The following KIF6 variants were observed in gnomAD, a reference collection of about 807,000 sequenced individuals.
KIF6 encodes the protein kinesin family member 6.
A neutral mutation model predicts 112.7 loss-of-function variants in KIF6; 106 were observed. The ratio of observed to expected loss-of-function variants is 0.94; its 90% CI spans 0.80 to 1.11. The LOEUF (loss-of-function observed/expected upper bound fraction) is 1.11. Ranked by LOEUF, KIF6 falls within the 50% of genes least tolerant of loss-of-function variation. The pLI, the probability that KIF6 is intolerant of heterozygous loss-of-function variation, is 0.00. For missense variants in KIF6, 929 were observed against 964.0 expected (o/e 0.96, Z 0.48); for synonymous variants, 339 against 339.9 (o/e 1.00, Z 0.03).
intron 14 of KIF6, among the ~76,000 whole-genome samples, chr6:39,423,508 C>T (rs190220698): frequency 4.6e-5 from 7 of 152,176 alleles, no homozygotes; most frequent in Admixed American, 2.0e-4. Context: ...ATGCCAGCAT[C>T]TCCTTGGCTA....
intron 16 of KIF6, among the ~76,000 whole-genome samples, chr6:39,365,355 GGCTCAGA>G (rs1163258365): frequency 6.6e-6 from 1 of 152,188 alleles, no homozygotes; most frequent in Non-Finnish European, 1.5e-5. Flanking sequence ...GCAATTTATT[GGCTCAGA>G]TGAGGCAGCC....
Position 39,336,551 on chromosome 6 carries a change from G to A in KIF6, c.2429-3C>T. On this transcript the variant is annotated splice_polypyrimidine_tract_variant and splice_region_variant and intron_variant, in intron 22 of 22. Coordinates refer to ENST00000287152, the MANE Select transcript of KIF6 (RefSeq NM_145027.6). Reference sequence around the variant, plus strand: ...GGAAATTCAATTGCTTCCCAAACCTGAAAGGGAGACAGGATGCTTTTGGTT... The same window carrying A: ...GGAAATTCAATTGCTTCCCAAACCTAAAAGGGAGACAGGATGCTTTTGGTT... 6.2e-7 allele frequency: 1 copy of A among 1,613,854 alleles called. No homozygotes were observed. The highest frequency in any genetic ancestry group is 8.5e-7 in the Non-Finnish European group (1 of 1,179,822).
chr6:39,388,013 T>C (rs931701977), intron 15 of KIF6, among the ~76,000 whole-genome samples: 4 of 152,170 alleles, frequency 2.6e-5, no homozygotes, highest in African/African-American at 9.6e-5. Context: ...CTCATATGAC[T>C]GGGTACTGCC....
intron 9 of KIF6, chr6:39,583,347 T>C (rs1477723078): frequency 6.4e-6 from 3 of 468,400 alleles, no homozygotes; most frequent in African/African-American, 6.0e-5. Context: ...ATCTTGACTT[T>C]GCATGCTGTC....
At chr6:39,362,658 A>G in intron 16 of KIF6, 140 bp from the exon 17 acceptor site, 1 of 685,492 alleles carries the variant, frequency 1.5e-6, no homozygotes. Context: ...TCTTGGTGGC[A>G]ACCTCTGCTC....
intron 5 of KIF6, among the ~76,000 whole-genome samples, chr6:39,633,153 A>G (rs947715115): frequency 3.3e-5 from 5 of 152,062 alleles, no homozygotes; most frequent in African/African-American, 7.2e-5. Context: ...TAAGTCCTTA[A>G]TAACTTTTAA....
intron 19 of KIF6, chr6:39,354,215 G>T: frequency 3.5e-6 from 1 of 286,538 alleles, no homozygotes; most frequent in Non-Finnish European, 7.0e-6. Context: ...GGCTGCCCTT[G>T]CAGGGTACAC....
At chr6:39,537,754 A>G (rs981541604) in intron 13 of KIF6, among the ~76,000 whole-genome samples, 62 of 152,168 alleles carry the variant, frequency 4.1e-4, no homozygotes, top group Admixed American at 7.2e-4. Flanking sequence ...AGCCCGCATC[A>G]CCAAGTCAGT....
chr6:39,667,408 G>T (rs1451028563), intron 3 of KIF6, among the ~76,000 whole-genome samples: 1 of 152,088 alleles, frequency 6.6e-6, no homozygotes, highest in Non-Finnish European at 1.5e-5. Flanking sequence ...TTCTGTATTT[G>T]TTTTCTCTGG....
At chr6:39,697,224 G>A (rs914737133) in intron 3 of KIF6, among the ~76,000 whole-genome samples, 1 of 152,116 alleles carries the variant, frequency 6.6e-6, no homozygotes, top group Non-Finnish European at 1.5e-5. Flanking sequence ...GGTTGAGGAA[G>A]CCAAGGTAAT....
intron 6 of KIF6, among the ~76,000 whole-genome samples, chr6:39,609,550 C>T (rs78612257): frequency 6.0e-4 from 91 of 152,250 alleles, no homozygotes; most frequent in African/African-American, 2.2e-3. Flanking sequence ...GTCAACGGAT[C>T]AATCAGACCT....
chr6:39,337,619 T>C (rs909029483), intron 22 of KIF6, among the ~76,000 whole-genome samples: 2 of 152,046 alleles, frequency 1.3e-5, no homozygotes, highest in African/African-American at 2.4e-5. Context: ...GACAACCCCA[T>C]GGTTTTCATT....
At chr6:39,662,102 T>C (rs1786185185) in intron 3 of KIF6, among the ~76,000 whole-genome samples, 1 of 151,956 alleles carries the variant, frequency 6.6e-6, no homozygotes, top group African/African-American at 2.4e-5. Flanking sequence ...CTAGTTGTTT[T>C]ATTTAAAGAG....
chr6:39,709,323 C>G (rs1447259403), intron 3 of KIF6, among the ~76,000 whole-genome samples: 1 of 152,198 alleles, frequency 6.6e-6, no homozygotes, highest in Non-Finnish European at 1.5e-5. Context: ...TGGGATGAAA[C>G]TGTTCCGCCC....
intron 13 of KIF6, among the ~76,000 whole-genome samples, chr6:39,438,831 G>A (rs542379356): frequency 3.9e-5 from 6 of 152,118 alleles, no homozygotes; most frequent in South Asian, 2.1e-4. Context: ...AACCAACTCC[G>A]TCCTTCAAGT....
intron 16 of KIF6, among the ~76,000 whole-genome samples, chr6:39,379,873 A>C (rs1009571983): frequency 6.6e-6 from 1 of 152,224 alleles, no homozygotes; most frequent in African/African-American, 2.4e-5. Context: ...TCCACAGCGG[A>C]GCAAAGTTAG....
chr6:39,725,335 C>A lies in KIF6; in HGVS notation c.-25G>T. ...TCTCCTCCCTGGCTCTGCAATGACC[C>A]TTGACCTCTCTCAGGCCCGGGCTGC... On this transcript the variant is annotated 5_prime_UTR_variant, in exon 1 of 23. It adds an upstream start codon to the 5' untranslated region. Transcript: ENST00000287152. The A allele has an allele frequency of 6.3e-7, 1 of 1,595,556 alleles. No homozygotes were observed. The highest frequency in any genetic ancestry group is 8.5e-7 in the Non-Finnish European group (1 of 1,170,246).
chr6:39,370,683 C>T (rs1445618279), intron 16 of KIF6, among the ~76,000 whole-genome samples: 1 of 152,134 alleles, frequency 6.6e-6, no homozygotes, highest in Non-Finnish European at 1.5e-5. Context: ...AAAGAGCTAG[C>T]AGTTTGCCTA....
intron 13 of KIF6, among the ~76,000 whole-genome samples, chr6:39,458,554 T>C (rs1773292522): frequency 6.6e-6 from 1 of 150,962 alleles, no homozygotes; most frequent in Admixed American, 6.6e-5. Context: ...ATAAAAGGTA[T>C]TCAATTAGGA....
Sources: gnomAD v4.1 joint callset for allele counts (sites outside exome capture counted in the v4.1 genomes callset) on GRCh38, gnomAD v4.1.1 for gene constraint, MANE v1.5 for transcripts, NCBI Gene and HGNC (gene_info 2026-07-23, HGNC 2026-07-21) for gene names.